Variants in TRRAP observed in about 807,000 individuals in gnomAD.
TRRAP encodes the protein transformation/transcription domain-associated protein.
TRRAP carries 41 observed loss-of-function variants against 438.8 expected under a neutral mutation model. The observed-to-expected ratio is 0.09, with a 90% CI of 0.07 to 0.12. The LOEUF (loss-of-function observed/expected upper bound fraction) is 0.12. Ranked by LOEUF, TRRAP falls within the 10% of genes least tolerant of loss-of-function variation. The probability of loss-of-function intolerance (pLI) is 1.00; values close to 1 mark genes in which losing one functional copy is unlikely to be tolerated. For synonymous variants in TRRAP, 1,994 were observed against 1,962.9 expected, an observed-to-expected ratio of 1.02 and a Z score of -0.42; for missense variants, 3,122 against 5,055.1, an observed-to-expected ratio of 0.62 and a Z score of 11.60.
At position 98,953,370 on chromosome 7, in the gene TRRAP, C is replaced by T. The variant is rs782320683; in HGVS notation, c.5667C>T (p.Ser1889=). ...GCGTGGACCCAGCCTGCAAGTACAGCGGACACTTGCTCCTGGCGCACATTA... is the reference window on the plus strand; with the variant it reads ...GCGTGGACCCAGCCTGCAAGTACAGTGGACACTTGCTCCTGGCGCACATTA... ...KACVDPACKY[S]GHLLLAHIIA... Residue 1889 remains serine, a synonymous_variant, in exon 40 of 73, where the codon AGC becomes AGT. Coordinates refer to ENST00000456197, the MANE Select transcript of TRRAP (RefSeq NM_001375524.1). 13 of 1,613,784 alleles carry T rather than the reference C, an allele frequency of 8.1e-6. 1 individual carries two copies. In the South Asian group the frequency reaches 9.9e-5, roughly 12 times the overall value.
intron 58 of TRRAP, among the ~76,000 whole-genome samples, chr7:98,980,248 G>C (rs1232578306): frequency 6.6e-6 from 1 of 152,160 alleles, no homozygotes; most frequent in African/African-American, 2.4e-5. Context: ...TGCAGTCCTT[G>C]GGACAGATAC....
Position 98,947,593 on chromosome 7 carries a change from C to T in TRRAP, c.4549-628C>T, listed in dbSNP as rs1302151529. On this transcript the variant is annotated intron_variant, in intron 33 of 72. Transcript: ENST00000456197. The stretch of plus-strand genomic sequence containing the variant: ...GCCTCAGCCTCTGGAGTAGCTGGGA[C>T]TACAGGCGCCCGCCACCACGCTCGG... Among the ~76,000 whole-genome samples, 3 of 152,000 alleles carry T rather than the reference C, an allele frequency of 2.0e-5. No individual in the cohort carries two copies. In the East Asian group the frequency reaches 5.8e-4, roughly 29 times the overall value.
chr7:98,976,900 C>G lies in TRRAP; in HGVS notation c.8248-39C>G. On this transcript the variant is annotated intron_variant, in intron 55 of 72. Transcript: ENST00000456197. The surrounding 1 kb of genome is among the most constrained non-coding windows in gnomAD (Gnocchi z 4.6). ...TATTTTTAGGGGGGAAAAAAAGTCT[C>G]TGTCTCAAGCACTCAGGAACCTTAC... 4 of 1,609,450 alleles carry G rather than the reference C, an allele frequency of 2.5e-6. No homozygotes were observed. The highest frequency in any genetic ancestry group is 3.4e-6 in the Non-Finnish European group (4 of 1,177,132).
chr7:98,955,890 A>G (rs1791576451), intron 41 of TRRAP, among the ~76,000 whole-genome samples: 1 of 152,016 alleles, frequency 6.6e-6, no homozygotes, highest in Admixed American at 6.5e-5. Flanking sequence ...TGATTTTTCA[A>G]GACTGAAGTA....
intron 65 of TRRAP, 43 bp from the exon 66 acceptor site, chr7:98,993,495 G>A: frequency 6.3e-7 from 1 of 1,597,192 alleles, no homozygotes; most frequent in South Asian, 1.1e-5. Context: ...CCTGGCGTCT[G>A]TCGGTTTTGC....
chr7:98,948,352 A>T lies in TRRAP; in HGVS notation c.4668+12A>T, dbSNP rs782007252. 9.3e-6 allele frequency: 15 copies of T among 1,613,982 alleles called. No individual in the cohort carries two copies. The highest frequency in any genetic ancestry group is 1.3e-5 in the Non-Finnish European group (15 of 1,180,024). Reference sequence around the variant, plus strand: ...CGATGCTGATCGAGGTAAGGGCCATACTGAAGGCTGCTTCTCGCTCTGCCA... The same window carrying T: ...CGATGCTGATCGAGGTAAGGGCCATTCTGAAGGCTGCTTCTCGCTCTGCCA... On this transcript the variant is annotated intron_variant, in intron 34 of 72. Transcript: ENST00000456197. This position sits in a 1 kb window ranked among gnomAD's most constrained non-coding sequence, Gnocchi z 4.9.
chr7:98,934,991 G>C (rs1790492965), intron 27 of TRRAP, among the ~76,000 whole-genome samples: 1 of 152,162 alleles, frequency 6.6e-6, no homozygotes, highest in Admixed American at 6.5e-5. Context: ...TGTGAATGAA[G>C]AGAAGGGGGA....
Position 98,921,864 on chromosome 7 carries a change from C to T in TRRAP, c.2734C>T (p.Leu912=), listed in dbSNP as rs782567206. 1.2e-6 allele frequency: 2 copies of T among 1,614,236 alleles called. No homozygotes were observed. The highest frequency in any genetic ancestry group is 1.7e-6 in the Non-Finnish European group (2 of 1,180,058). The change falls in exon 21 of 73, where the codon CTG becomes TTG. Residue 912 remains leucine (L), a synonymous_variant. Coordinates refer to ENST00000456197, the MANE Select transcript of TRRAP (RefSeq NM_001375524.1). ...NRKMLKESQK[L]HYVVTEVQGP... is the part of the protein sequence containing the mutation. ...GAAGATGCTGAAGGAGTCGCAGAAG[C>T]TGCACTACGTTGTGACCGAGGTTCA...
chr7:99,010,528 G>A (rs1479087853), intron 70 of TRRAP, among the ~76,000 whole-genome samples: 1 of 152,214 alleles, frequency 6.6e-6, no homozygotes, highest in Non-Finnish European at 1.5e-5. Context: ...CGAACGGGAA[G>A]TCCATTAACT....
intron 58 of TRRAP, among the ~76,000 whole-genome samples, chr7:98,981,313 A>C (rs1450634398): frequency 6.6e-6 from 1 of 152,126 alleles, no homozygotes; most frequent in African/African-American, 2.4e-5. Context: ...GAGGCAGGAG[A>C]ATAGCTTGAA....
intron 26 of TRRAP, 90 bp from the exon 27 acceptor site, chr7:98,933,151 T>A: frequency 6.9e-7 from 1 of 1,444,180 alleles, no homozygotes; most frequent in East Asian, 2.5e-5. Context: ...GTAATAACTT[T>A]GGATCTCAAA....
At chr7:98,965,925 C>T in intron 49 of TRRAP, 30 bp downstream of exon 49, 1 of 1,609,218 alleles carries the variant, frequency 6.2e-7, no homozygotes, top group Non-Finnish European at 8.5e-7. Flanking sequence ...CATGTGATCT[C>T]CCTTTCAATA....
intron 13 of TRRAP, among the ~76,000 whole-genome samples, chr7:98,906,741 C>G (rs1796756137): frequency 6.6e-6 from 1 of 152,024 alleles, no homozygotes; most frequent in African/African-American, 2.4e-5. Flanking sequence ...CCAAGAATTG[C>G]AGGATTTTTG....
intron 12 of TRRAP, among the ~76,000 whole-genome samples, chr7:98,904,019 A>G (rs1006699510): frequency 2.0e-5 from 3 of 152,092 alleles, no homozygotes; most frequent in Non-Finnish European, 2.9e-5. Context: ...CATGTTGGCC[A>G]GGCTGGTCTC....
intron 29 of TRRAP, 92 bp downstream of exon 29, chr7:98,937,369 A>T (rs1016715796): frequency 1.3e-6 from 2 of 1,509,348 alleles, no homozygotes; most frequent in South Asian, 2.7e-5. Context: ...TTATTGCTAT[A>T]TAAACAGTGT....
intron 67 of TRRAP, among the ~76,000 whole-genome samples, chr7:99,002,830 G>A (rs989834338): frequency 8.5e-5 from 13 of 152,346 alleles, no homozygotes; most frequent in African/African-American, 3.1e-4. Flanking sequence ...GTATAGCTGG[G>A]TGTTATCACG....
At chr7:98,926,309 A>G (rs573747529) in intron 22 of TRRAP, among the ~76,000 whole-genome samples, 1 of 152,364 alleles carries the variant, frequency 6.6e-6, no homozygotes, top group Non-Finnish European at 1.5e-5. Flanking sequence ...CAGGATAAAT[A>G]AAAAGAAATC....
Position 99,012,064 on chromosome 7 carries a change from C to T in TRRAP, c.11338-7C>T, listed in dbSNP as rs932869178. 3.7e-6 allele frequency: 6 copies of T among 1,612,288 alleles called. No homozygotes were observed. The African/African-American group carries it at 8.0e-5, about 22-fold the overall frequency. ...ACACAAGTCGTCTCGTTCTCTCCCT[C>T]ACGCAGGTGGATGGCATTCTGAAAA... On this transcript the variant is annotated splice_polypyrimidine_tract_variant and splice_region_variant and intron_variant, in intron 72 of 72. Transcript: ENST00000456197. This position sits in a 1 kb window ranked among gnomAD's most constrained non-coding sequence, Gnocchi z 5.9.
Position 98,976,763 on chromosome 7 carries a change from C to T in TRRAP, c.8240C>T (p.Pro2747Leu), listed in dbSNP as rs756091989. ...TATGAGCAGGAGAGCATCACCCCGC[C>T]GCAGCAGGTGAGGGTGCGCCTCAGT... Reference protein sequence around the residue: ...EFYEQESITPPQQEILDSLAE... With the variant: ...EFYEQESITPLQQEILDSLAE... Residue 2747 changes from proline to leucine, a missense_variant, in exon 55 of 73, where the codon CCG (proline) becomes CTG (leucine). Pro to Leu is a moderately conservative substitution (Grantham distance 98). Transcript: ENST00000456197. This position sits in a 1 kb window ranked among gnomAD's most constrained non-coding sequence, Gnocchi z 4.6. The T allele has an allele frequency of 3.1e-6, 5 of 1,613,012 alleles. No individual in the cohort carries two copies. Among genetic ancestry groups the T allele is most frequent in the East Asian group, 2.2e-5 (1 of 44,864 alleles).
Sources: allele counts gnomAD v4.1 joint callset (sites outside exome capture counted in the v4.1 genomes callset), GRCh38; gene constraint gnomAD v4.1.1; non-coding constraint Gnocchi (gnomAD v3.1); transcripts MANE v1.5; gene names NCBI Gene and HGNC (gene_info 2026-07-23, HGNC 2026-07-21).